Variants in KDSR observed in about 807,000 individuals in gnomAD.
KDSR encodes 3-dehydrosphinganine reductase.
In KDSR, 23 loss-of-function variants were observed where a neutral mutation model predicts 41.3. The ratio of observed to expected loss-of-function variants is 0.56; its 90% CI spans 0.40 to 0.79. The LOEUF (loss-of-function observed/expected upper bound fraction) is 0.79. KDSR is among the 30% of genes least tolerant of loss of function. The probability of loss-of-function intolerance (pLI) is 0.00; values close to 1 mark genes in which losing one functional copy is unlikely to be tolerated. For synonymous variants in KDSR, 138 were observed against 151.7 expected (o/e 0.91, Z 0.66); for missense variants, 351 against 416.8 (o/e 0.84, Z 1.37).
At chr18:63,360,711 C>G (rs920662237) in intron 2 of KDSR, among the ~76,000 whole-genome samples, 1 of 141,898 alleles carries the variant, frequency 7.0e-6, no homozygotes, top group Non-Finnish European at 1.5e-5. Flanking sequence ...GGTGAAGCCC[C>G]GTCTCTACCA....
intron 8 of KDSR, among the ~76,000 whole-genome samples, chr18:63,337,546 A>G (rs1428103475): frequency 6.6e-6 from 1 of 152,250 alleles, no homozygotes; most frequent in Non-Finnish European, 1.5e-5. Flanking sequence ...GTAAGAATGT[A>G]AAGTGGTCAA....
chr18:63,342,543 AGT>A (rs1914372664), intron 7 of KDSR, among the ~76,000 whole-genome samples: 1 of 152,262 alleles, frequency 6.6e-6, no homozygotes, highest in Non-Finnish European at 1.5e-5. Flanking sequence ...GGACTGAATT[AGT>A]TATAGATAAT....
chr18:63,359,100 G>GC (rs1323288458), intron 3 of KDSR, among the ~76,000 whole-genome samples: 2 of 140,080 alleles, frequency 1.4e-5, no homozygotes, highest in African/African-American at 5.4e-5. Context: ...GACTGCTTGA[G>GC]CCCAGGAGGT....
intron 4 of KDSR, 67 bp downstream of exon 4, chr18:63,355,431 A>G: frequency 1.9e-6 from 3 of 1,611,884 alleles, no homozygotes; most frequent in Admixed American, 3.4e-5. Flanking sequence ...CAAGCCACAT[A>G]GCAAAATGGC....
At chr18:63,335,404 G>T in intron 8 of KDSR, 46 bp from the exon 9 acceptor site, 1 of 1,317,370 alleles carries the variant, frequency 7.6e-7, no homozygotes, top group Middle Eastern at 2.2e-4. Context: ...CTAGTAATGT[G>T]GACAGAAATC....
In KDSR at chr18:63,329,080, A is replaced by G. The variant is rs1390067531; in HGVS notation, c.*2702T>C. ...GGGTTGGTTCTTTTTTTCTTCCCCC[A>G]GCAGAAAAACAAGTTGTTCAAGCAT... On this transcript the variant is annotated 3_prime_UTR_variant, in exon 10 of 10. Coordinates refer to ENST00000645214, the MANE Select transcript of KDSR (RefSeq NM_002035.4). 2 of 198,108 alleles carry G rather than the reference A, an allele frequency of 1.0e-5. No individual in the cohort carries two copies. Among genetic ancestry groups the G allele is most frequent in the Admixed American group, 6.0e-5 (1 of 16,548 alleles). The allele number at this position is 198,108 out of a possible 1,614,324, so 12.3% of individuals were successfully genotyped here. A position where few individuals can be genotyped will look rare whatever the true frequency, so the allele number is the denominator to read the frequency against.
At chr18:63,333,157 T>C (rs898991944) in intron 9 of KDSR, among the ~76,000 whole-genome samples, 3 of 152,156 alleles carry the variant, frequency 2.0e-5, no homozygotes, top group Non-Finnish European at 4.4e-5. Context: ...AGGAGTATGA[T>C]CACAGCTCAC....
At chr18:63,336,710 C>T (rs992542861) in intron 8 of KDSR, among the ~76,000 whole-genome samples, 5 of 152,124 alleles carry the variant, frequency 3.3e-5, no homozygotes, top group African/African-American at 1.2e-4. Context: ...TAACAGAGAA[C>T]AAAACATTCA....
chr18:63,362,665 C>A, intron 2 of KDSR, 114 bp downstream of exon 2: 1 of 673,526 alleles, frequency 1.5e-6, no homozygotes. Context: ...AAACACATCT[C>A]ACATCAAGGA....
chr18:63,360,216 T>C (rs532064220), intron 2 of KDSR, among the ~76,000 whole-genome samples: 1 of 152,322 alleles, frequency 6.6e-6, no homozygotes, highest in East Asian at 1.9e-4. Context: ...TGTCCAATAT[T>C]TTCTTCTTCT....
rs1913995442 is a variant in KDSR, at chr18:63,331,390, A to G, written c.*392T>C. On this transcript the variant is annotated 3_prime_UTR_variant, in exon 10 of 10. Transcript: ENST00000645214. Reference sequence around the variant, plus strand: ...GTTTTTTTATGGAAGGTTTAAACAAAGTCCTCAAGATTTCTTTATGTGCCA... The same window carrying G: ...GTTTTTTTATGGAAGGTTTAAACAAGGTCCTCAAGATTTCTTTATGTGCCA... The G allele has an allele frequency of 4.3e-6, 1 of 234,230 alleles. No homozygotes were observed. Among genetic ancestry groups the G allele is most frequent in the African/African-American group, 2.2e-5 (1 of 45,384 alleles). 14.5% of individuals were successfully genotyped at this position (234,230 alleles called of 1,614,324 possible).
chr18:63,367,161 G>A lies in KDSR; in HGVS notation c.-43C>T, dbSNP rs748745166. The A allele has an allele frequency of 1.0e-5, 11 of 1,056,228 alleles. No individual in the cohort carries two copies. Among genetic ancestry groups the A allele is most frequent in the African/African-American group, 1.7e-5 (1 of 60,458 alleles). The allele number at this position is 1,056,228 out of a possible 1,614,324, so 65.4% of individuals were successfully genotyped here. ...GGCCCGGAGCGGCCGGGCGGGGGCCGCCGGGCAAGGCGCGCAGGGCTGGGC... is the reference window on the plus strand; with the variant it reads ...GGCCCGGAGCGGCCGGGCGGGGGCCACCGGGCAAGGCGCGCAGGGCTGGGC... On this transcript the variant is annotated 5_prime_UTR_variant, in exon 1 of 10. Coordinates refer to ENST00000645214, the MANE Select transcript of KDSR (RefSeq NM_002035.4).
intron 1 of KDSR, chr18:63,366,095 G>C (rs1245315813): frequency 6.6e-6 from 1 of 152,174 alleles, no homozygotes; most frequent in Non-Finnish European, 1.5e-5. Context: ...CCTCGGGTTT[G>C]GGAGATCCAA....
At chr18:63,358,445 T>C (rs1044623659) in intron 3 of KDSR, among the ~76,000 whole-genome samples, 1 of 152,012 alleles carries the variant, frequency 6.6e-6, no homozygotes, top group Non-Finnish European at 1.5e-5. Context: ...TTTAAATGGG[T>C]CAACTGTATG....
At chr18:63,364,429 G>A (rs896225523) in intron 1 of KDSR, among the ~76,000 whole-genome samples, 2 of 151,528 alleles carry the variant, frequency 1.3e-5, no homozygotes, top group African/African-American at 2.4e-5. Flanking sequence ...CTGAATAAGT[G>A]AACAATGCAA....
At chr18:63,350,589 TACTC>T (rs889991905) in intron 6 of KDSR, among the ~76,000 whole-genome samples, 7 of 152,232 alleles carry the variant, frequency 4.6e-5, no homozygotes, top group Admixed American at 2.6e-4. Flanking sequence ...TGGTTAACCT[TACTC>T]ACATTCACAC....
chr18:63,350,730 C>T (rs1029309862), intron 6 of KDSR, among the ~76,000 whole-genome samples, 158 bp downstream of exon 6: 1 of 152,200 alleles, frequency 6.6e-6, no homozygotes, highest in Non-Finnish European at 1.5e-5. Flanking sequence ...AAAATGTTAA[C>T]TGCAAAACTC....
chr18:63,332,837 A>AG (rs1201408556), intron 9 of KDSR, among the ~76,000 whole-genome samples: 1 of 150,904 alleles, frequency 6.6e-6, no homozygotes, highest in African/African-American at 2.4e-5. Context: ...GTCTCAAAAA[A>AG]AAAAAAAAAA....
At position 63,355,278 on chromosome 18, in the gene KDSR, C is replaced by G; in HGVS notation, c.343G>C (p.Val115Leu). 1 of 1,614,156 alleles carries G rather than the reference C, an allele frequency of 6.2e-7. No individual in the cohort carries two copies. The highest frequency in any genetic ancestry group is 8.5e-7 in the Non-Finnish European group (1 of 1,179,994). Reference protein sequence around the residue: ...IKQAQEKLGPVDMLVNCAGMA... With the variant: ...IKQAQEKLGPLDMLVNCAGMA... ...CCTGCACAATTTACCAGCATGTCCA[C>G]TGGACCCAGTTTCTCCTGTGCCTAG... Residue 115 changes from valine (V) to leucine (L), a missense_variant, in exon 5 of 10, where the codon GTG becomes CTG. Coordinates refer to ENST00000645214, the MANE Select transcript of KDSR (RefSeq NM_002035.4).
Sources: gnomAD v4.1 joint callset for allele counts (sites outside exome capture counted in the v4.1 genomes callset) on GRCh38, gnomAD v4.1.1 for gene constraint, MANE v1.5 for transcripts, NCBI Gene and HGNC (gene_info 2026-07-23, HGNC 2026-07-21) for gene names.